SPATS2: variants seen among roughly 807,000 people sequenced by gnomAD.
SPATS2 encodes the protein spermatogenesis-associated serine-rich protein 2.
SPATS2 carries 38 observed loss-of-function variants against 63.7 expected under a neutral mutation model. The observed-to-expected ratio is 0.60, with a 90% CI of 0.46 to 0.78. The LOEUF is 0.78. Ranked by LOEUF, SPATS2 falls within the 30% of genes least tolerant of loss-of-function variation. The probability of loss-of-function intolerance (pLI) is 0.00; values close to 1 mark genes in which losing one functional copy is unlikely to be tolerated. For synonymous variants in SPATS2, 207 were observed against 232.9 expected, an observed-to-expected ratio of 0.89 and a Z score of 1.01; for missense variants, 588 against 666.2, an observed-to-expected ratio of 0.88 and a Z score of 1.29.
At chr12:49,370,618 C>T (rs1943980180) in intron 1 of SPATS2, among the ~76,000 whole-genome samples, 1 of 152,160 alleles carries the variant, frequency 6.6e-6, no homozygotes, top group Admixed American at 6.5e-5. Flanking sequence ...CAGACTCTTC[C>T]ACTTTTCTCA....
intron 2 of SPATS2, among the ~76,000 whole-genome samples, chr12:49,401,385 A>G (rs1367584549): frequency 6.6e-6 from 1 of 152,098 alleles, no homozygotes; most frequent in African/African-American, 2.4e-5. Flanking sequence ...CATTTTTTTT[A>G]AACATGTTAT....
At chr12:49,478,873 T>C (rs1946160858) in intron 3 of SPATS2, among the ~76,000 whole-genome samples, 2 of 152,062 alleles carry the variant, frequency 1.3e-5, no homozygotes, top group African/African-American at 4.8e-5. Context: ...TACAAAGAAG[T>C]GGAAGGTGAA....
rs1161284857 is a variant in SPATS2, at chr12:49,472,351, C to T, written c.25+11314C>T. 4.0e-5 allele frequency among the ~76,000 whole-genome samples: 6 copies of T among 151,160 alleles called. No homozygotes were observed. In the South Asian group the frequency reaches 6.2e-4, roughly 16 times the overall value. Reference sequence around the variant, plus strand: ...TTAAGGAAAGACTTTAAAAATAAAACATAAAATATACTAACCAAAATTGAA... The same window carrying T: ...TTAAGGAAAGACTTTAAAAATAAAATATAAAATATACTAACCAAAATTGAA... On this transcript the variant is annotated intron_variant, in intron 3 of 13. Transcript: ENST00000552918.
At chr12:49,368,129 A>G (rs1482542053) in intron 1 of SPATS2, among the ~76,000 whole-genome samples, 1 of 152,210 alleles carries the variant, frequency 6.6e-6, no homozygotes, top group African/African-American at 2.4e-5. Context: ...TAGGACTTGG[A>G]TTAAAGCAGA....
At chr12:49,444,633 C>A (rs145417647) in intron 2 of SPATS2, among the ~76,000 whole-genome samples, 193 of 152,098 alleles carry the variant, frequency 1.3e-3, no homozygotes, top group Non-Finnish European at 2.1e-3. Context: ...GATGGAGTTT[C>A]GCTCTAGTTG....
intron 2 of SPATS2, among the ~76,000 whole-genome samples, chr12:49,384,185 T>G (rs1944271014): frequency 6.6e-6 from 1 of 152,192 alleles, no homozygotes; most frequent in South Asian, 2.1e-4. Context: ...CAGGTTAGTC[T>G]TGAATTCCTG....
At chr12:49,465,939 A>G (rs954228733) in intron 3 of SPATS2, among the ~76,000 whole-genome samples, 5 of 151,808 alleles carry the variant, frequency 3.3e-5, no homozygotes, top group South Asian at 2.1e-4. Context: ...GTGAGACTCC[A>G]TCTCAAAAAA....
intron 4 of SPATS2, among the ~76,000 whole-genome samples, chr12:49,485,132 C>G (rs368937920): frequency 6.9e-6 from 1 of 145,724 alleles, no homozygotes; most frequent in Non-Finnish European, 1.5e-5. Context: ...AGTGGCCGAT[C>G]TGGGCTCACT....
intron 1 of SPATS2, among the ~76,000 whole-genome samples, chr12:49,369,231 C>T (rs1943957897): frequency 6.6e-6 from 1 of 151,888 alleles, no homozygotes; most frequent in Non-Finnish European, 1.5e-5. Flanking sequence ...GTTTCACCAT[C>T]TTGGCCAGGC....
At chr12:49,380,896 T>C (rs1016015988) in intron 2 of SPATS2, among the ~76,000 whole-genome samples, 6 of 151,362 alleles carry the variant, frequency 4.0e-5, no homozygotes, top group East Asian at 1.9e-4. Flanking sequence ...TTTTTTTTTT[T>C]CCTCAAAAGC....
chr12:49,398,135 CAAAA>C (rs71080193), intron 2 of SPATS2, among the ~76,000 whole-genome samples: 20 of 45,378 alleles, frequency 4.4e-4, no homozygotes, highest in East Asian at 3.8e-3. Flanking sequence ...GACCCTGTCT[CAAAA>C]AAAAAAAAAA....
chr12:49,436,112 C>CA (rs1306424773), intron 2 of SPATS2, among the ~76,000 whole-genome samples: 11 of 152,082 alleles, frequency 7.2e-5, no homozygotes, highest in African/African-American at 2.2e-4. Flanking sequence ...TTCTATTCCA[C>CA]AAAACCGCCA....
chr12:49,374,520 G>GGAAT (rs1944058800), intron 2 of SPATS2, among the ~76,000 whole-genome samples: 2 of 152,148 alleles, frequency 1.3e-5, no homozygotes, highest in Non-Finnish European at 2.9e-5. Context: ...GCAGCCTATA[G>GGAAT]GAATGGGTTC....
chr12:49,420,576 C>G (rs1944963186), intron 2 of SPATS2, among the ~76,000 whole-genome samples: 1 of 151,572 alleles, frequency 6.6e-6, no homozygotes, highest in East Asian at 1.9e-4. Context: ...GGGCAAGACC[C>G]CATCTCAAAA....
rs1234633483 is a variant in SPATS2, at chr12:49,461,026, A to G, written c.14A>G (p.Gln5Arg). The G allele has an allele frequency of 1.1e-5, 17 of 1,613,930 alleles. No homozygotes were observed. Among genetic ancestry groups the G allele is most frequent in the Non-Finnish European group, 1.4e-5 (16 of 1,179,988 alleles). The change falls in exon 3 of 14, where the codon CAG becomes CGG. Residue 5 changes from glutamine (Q) to arginine (R), a missense_variant. Physicochemically the swap from Gln to Arg is conservative, Grantham distance 43. Transcript: ENST00000552918. ...GAAGAAACGACAATGTCCAGGAAACAGAACCAGAAGGGTAAGATTACATGT... is the reference window on the plus strand; with the variant it reads ...GAAGAAACGACAATGTCCAGGAAACGGAACCAGAAGGGTAAGATTACATGT... MSRK[Q>R]NQKDSSGFIF...
At chr12:49,370,457 A>T (rs1943978036) in intron 1 of SPATS2, among the ~76,000 whole-genome samples, 1 of 152,202 alleles carries the variant, frequency 6.6e-6, no homozygotes, top group South Asian at 2.1e-4. Context: ...ATATTACCAA[A>T]TGACCTGTAG....
intron 2 of SPATS2, among the ~76,000 whole-genome samples, chr12:49,445,321 T>G (rs1945491628): frequency 6.6e-6 from 1 of 152,154 alleles, no homozygotes; most frequent in African/African-American, 2.4e-5. Flanking sequence ...GTGAAAATGC[T>G]TTTTCTGTAC....
At position 49,380,564 on chromosome 12, in the gene SPATS2, G is replaced by C. The variant is rs376814153; in HGVS notation, c.-244+9274G>C. Reference sequence around the variant, plus strand: ...CTATTAAAAATACAAAAATTAGCCAGGTGTGGTGGCGTGCGCCTGTAATCC... The same window carrying C: ...CTATTAAAAATACAAAAATTAGCCACGTGTGGTGGCGTGCGCCTGTAATCC... On this transcript the variant is annotated intron_variant, in intron 2 of 13. Coordinates refer to ENST00000552918, the MANE Select transcript of SPATS2 (RefSeq NM_023071.4). 4.6e-5 allele frequency among the ~76,000 whole-genome samples: 7 copies of C among 152,236 alleles called. No individual in the cohort carries two copies. The East Asian group carries it at 9.6e-4, about 21-fold the overall frequency.
At chr12:49,468,557 A>C (rs967303181) in intron 3 of SPATS2, among the ~76,000 whole-genome samples, 1 of 151,770 alleles carries the variant, frequency 6.6e-6, no homozygotes, top group Non-Finnish European at 1.5e-5. Flanking sequence ...GCACACTGCA[A>C]CCTCTGCCTC....
Sources: gnomAD v4.1 joint callset for allele counts (sites outside exome capture counted in the v4.1 genomes callset) on GRCh38, gnomAD v4.1.1 for gene constraint, MANE v1.5 for transcripts, NCBI Gene and HGNC (gene_info 2026-07-23, HGNC 2026-07-21) for gene names.